Variants in PITPNM2 observed in about 807,000 individuals in gnomAD.
The protein encoded by PITPNM2 is phosphatidylinositol transfer protein membrane associated 2.
PITPNM2 carries 35 observed loss-of-function variants against 132.2 expected under a neutral mutation model. The observed-to-expected ratio is 0.26, with a 90% CI of 0.20 to 0.35. The LOEUF (loss-of-function observed/expected upper bound fraction) is 0.35. PITPNM2 is among the 10% of genes least tolerant of loss of function. The pLI is 1.00. For missense variants in PITPNM2, 1,332 were observed against 1,912.0 expected, an observed-to-expected ratio of 0.70 and a Z score of 5.66; for synonymous variants, 738 against 799.2, an observed-to-expected ratio of 0.92 and a Z score of 1.29.
At chr12:123,136,085 G>A (rs900763254) in intron 1 of PITPNM2, among the ~76,000 whole-genome samples, 7 of 152,000 alleles carry the variant, frequency 4.6e-5, no homozygotes, top group East Asian at 1.9e-4. Context: ...GGTGGATCAC[G>A]AGGTCAGGAG....
intron 2 of PITPNM2, among the ~76,000 whole-genome samples, chr12:123,104,195 T>G (rs1156262880): frequency 6.6e-6 from 1 of 152,192 alleles, no homozygotes; most frequent in Non-Finnish European, 1.5e-5. Flanking sequence ...CCTCCCAAAG[T>G]GCTGGGATTA....
In PITPNM2 at chr12:122,987,497, G is replaced by A; in HGVS notation, c.3263+14C>T. 6.2e-7 allele frequency: 1 copy of A among 1,611,462 alleles called. No homozygotes were observed. The highest frequency in any genetic ancestry group is 8.5e-7 in the Non-Finnish European group (1 of 1,177,930). On this transcript the variant is annotated intron_variant, in intron 22 of 25. Transcript: ENST00000320201. ...TCGCCCTGCCTATCCCGCCCTCCCA[G>A]TGCAGGCATATACCTGACCACCATC...
intron 1 of PITPNM2, among the ~76,000 whole-genome samples, chr12:123,149,045 T>C (rs888833359): frequency 2.0e-5 from 3 of 152,098 alleles, no homozygotes; most frequent in Non-Finnish European, 4.4e-5. Flanking sequence ...AGGACCCAGA[T>C]CCCAGGGGGC....
chr12:122,995,722 T>A, intron 13 of PITPNM2, 62 bp from the exon 14 acceptor site: 1 of 1,491,114 alleles, frequency 6.7e-7, no homozygotes, highest in Non-Finnish European at 8.9e-7. Context: ...TTCTCCAGTG[T>A]CCTGGAAGCT....
At chr12:123,139,790 T>G (rs2043464465) in intron 1 of PITPNM2, among the ~76,000 whole-genome samples, 1 of 152,194 alleles carries the variant, frequency 6.6e-6, no homozygotes, top group South Asian at 2.1e-4. Flanking sequence ...GGCCCAGCCC[T>G]GAGACCTCAT....
rs996267870 is a variant in PITPNM2 at position 123,006,471 on chromosome 12, T to C, written c.644-923A>G. ...ATCCTAGCACTTTGGGAGGCTGAGG[T>C]GAGAGGATGGCTTGAGGCCAGGAGC... On this transcript the variant is annotated intron_variant, in intron 6 of 25. Transcript: ENST00000320201. Among the ~76,000 whole-genome samples, 6 of 149,830 alleles carry C rather than the reference T, an allele frequency of 4.0e-5. No individual in the cohort carries two copies. In the East Asian group the frequency reaches 1.2e-3, roughly 29 times the overall value.
chr12:123,130,549 G>A (rs2043240143), intron 1 of PITPNM2, among the ~76,000 whole-genome samples: 1 of 152,150 alleles, frequency 6.6e-6, no homozygotes, highest in Admixed American at 6.5e-5. Flanking sequence ...GGGAGGCCGA[G>A]GCGGGCGGAT....
At chr12:123,144,722 G>A (rs1197558800) in intron 1 of PITPNM2, among the ~76,000 whole-genome samples, 1 of 152,078 alleles carries the variant, frequency 6.6e-6, no homozygotes, top group Non-Finnish European at 1.5e-5. Context: ...GAGCCACTGT[G>A]CCCAGCCAAT....
chr12:123,041,999 AG>A (rs1309914807), intron 2 of PITPNM2, among the ~76,000 whole-genome samples: 3 of 152,086 alleles, frequency 2.0e-5, no homozygotes, highest in Non-Finnish European at 4.4e-5. Flanking sequence ...ACCGTGTCAG[AG>A]TGGGGCCACT....
At chr12:123,061,518 G>A (rs987220373) in intron 2 of PITPNM2, among the ~76,000 whole-genome samples, 8 of 152,246 alleles carry the variant, frequency 5.3e-5, no homozygotes, top group African/African-American at 7.2e-5. Flanking sequence ...ACTATGGCAC[G>A]TCAGGCATGG....
chr12:123,115,541 GCACACACA>G (rs985377436), intron 1 of PITPNM2, among the ~76,000 whole-genome samples: 1 of 151,398 alleles, frequency 6.6e-6, no homozygotes, highest in African/African-American at 2.4e-5. Flanking sequence ...ATACGCGCCC[GCACACACA>G]CACGCACACA....
chr12:122,996,382 A>G (rs1234802778), intron 13 of PITPNM2, 76 bp downstream of exon 13: 3 of 1,571,520 alleles, frequency 1.9e-6, no homozygotes, highest in African/African-American at 1.3e-5. Flanking sequence ...AGGTGCAGGA[A>G]CAGGCAGGGC....
intron 2 of PITPNM2, among the ~76,000 whole-genome samples, chr12:123,062,400 G>A (rs1400159664): frequency 6.6e-6 from 1 of 152,204 alleles, no homozygotes; most frequent in Non-Finnish European, 1.5e-5. Context: ...CCTGGGCACT[G>A]CTGCTGGCTG....
intron 1 of PITPNM2, among the ~76,000 whole-genome samples, chr12:123,115,263 CTG>C (rs1455261478): frequency 6.6e-6 from 1 of 152,212 alleles, no homozygotes; most frequent in Non-Finnish European, 1.5e-5. Flanking sequence ...ACACTGTACT[CTG>C]GAGCTGAGCT....
intron 8 of PITPNM2, among the ~76,000 whole-genome samples, chr12:123,001,867 C>T (rs867092685): frequency 1.3e-5 from 2 of 151,850 alleles, no homozygotes; most frequent in South Asian, 4.1e-4. Context: ...CCCGTCTCTA[C>T]TAAAAATACA....
At position 123,077,293 on chromosome 12, in the gene PITPNM2, C is replaced by T. The variant is rs1303888047; in HGVS notation, c.-96+33092G>A. Among the ~76,000 whole-genome samples the T allele has an allele frequency of 6.6e-6, 1 of 152,124 alleles. No individual in the cohort carries two copies. Among genetic ancestry groups the T allele is most frequent in the Non-Finnish European group, 1.5e-5 (1 of 68,004 alleles). On this transcript the variant is annotated intron_variant, in intron 2 of 25. Transcript: ENST00000320201. This position sits in a 1 kb window ranked among gnomAD's most constrained non-coding sequence, Gnocchi z 4.8. ...GATATCGGGGTGGGGAGGGACACCCCTTGTTATCAGGGGTGGAGAGGGACA... is the reference window on the plus strand; with the variant it reads ...GATATCGGGGTGGGGAGGGACACCCTTTGTTATCAGGGGTGGAGAGGGACA...
chr12:123,034,648 G>C lies in PITPNM2; in HGVS notation c.-58C>G. 6.7e-7 allele frequency: 1 copy of C among 1,493,722 alleles called. No homozygotes were observed. The highest frequency in any genetic ancestry group is 9.3e-7 in the Non-Finnish European group (1 of 1,070,506). 92.5% of individuals were successfully genotyped at this position (1,493,722 alleles called of 1,614,324 possible). A position where few individuals can be genotyped will look rare whatever the true frequency, so the allele number is the denominator to read the frequency against. On this transcript the variant is annotated 5_prime_UTR_variant, in exon 3 of 26. Transcript: ENST00000320201. ...CTGCAAGTTGGGACTTCTAGGCAAGGTTCCTTAAATAACCATGACAAAATT... is the reference window on the plus strand; with the variant it reads ...CTGCAAGTTGGGACTTCTAGGCAAGCTTCCTTAAATAACCATGACAAAATT...
At position 123,036,541 on chromosome 12, in the gene PITPNM2, C is replaced by T. The variant is rs2040274813; in HGVS notation, c.-95-1856G>A. 2.0e-5 allele frequency among the ~76,000 whole-genome samples: 3 copies of T among 152,240 alleles called. No individual in the cohort carries two copies. Among genetic ancestry groups the T allele is most frequent in the Non-Finnish European group, 1.5e-5 (1 of 68,044 alleles). On this transcript the variant is annotated intron_variant, in intron 2 of 25. Transcript: ENST00000320201. The surrounding 1 kb of genome is among the most constrained non-coding windows in gnomAD (Gnocchi z 4.1). ...CTCTATTAAAAAAGAACCCAATTCT[C>T]ACATCCAGTTGCTTTAAATATAGTC...
chr12:123,098,465 G>T (rs746505833), intron 2 of PITPNM2, among the ~76,000 whole-genome samples: 2 of 152,142 alleles, frequency 1.3e-5, no homozygotes, highest in Non-Finnish European at 2.9e-5. Flanking sequence ...AGCACTTTGG[G>T]AAACTGTGGG....
Sources: allele counts gnomAD v4.1 joint callset (sites outside exome capture counted in the v4.1 genomes callset), GRCh38; gene constraint gnomAD v4.1.1; non-coding constraint Gnocchi (gnomAD v3.1); transcripts MANE v1.5; gene names NCBI Gene and HGNC (gene_info 2026-07-23, HGNC 2026-07-21).